DLGAP2: variants seen among roughly 807,000 people sequenced by gnomAD.
The protein encoded by DLGAP2 is DLG associated protein 2.
A neutral mutation model predicts 100.3 loss-of-function variants in DLGAP2; 26 were observed. The observed-to-expected ratio is 0.26, with a 90% confidence interval of 0.19 to 0.36. The LOEUF (loss-of-function observed/expected upper bound fraction) is 0.36, where lower values mean the gene tolerates loss of function less well. Among genes scored for constraint, DLGAP2 ranks in the 10% least tolerant of loss-of-function variants. The pLI is 1.00. For synonymous variants in DLGAP2, 886 were observed against 630.1 expected, an observed-to-expected ratio of 1.41 and a Z score of -6.08; for missense variants, 1,858 against 1,453.2, an observed-to-expected ratio of 1.28 and a Z score of -4.53.
intron 3 of DLGAP2, among the ~76,000 whole-genome samples, chr8:1,363,059 C>T (rs1014286976): frequency 6.6e-6 from 1 of 152,150 alleles, no homozygotes; most frequent in African/African-American, 2.4e-5. Flanking sequence ...AAAGAGAAGC[C>T]AAAAATCTGG....
chr8:1,416,186 C>T lies in DLGAP2; in HGVS notation c.107-85180C>T, dbSNP rs1005835862. The stretch of plus-strand genomic sequence containing the variant: ...ACGTGAAACCCATCCTGTCCCCAGA[C>T]GATGCCTGGTTACCAGCGTCAATAC... On this transcript the variant is annotated intron_variant, in intron 3 of 14. Coordinates refer to ENST00000637795, the MANE Select transcript of DLGAP2 (RefSeq NM_001346810.2). Among the ~76,000 whole-genome samples, 3 of 152,192 alleles carry T rather than the reference C, an allele frequency of 2.0e-5. No individual in the cohort carries two copies. The East Asian group carries it at 5.8e-4, about 29-fold the overall frequency.
At chr8:1,146,373 T>C (rs1173557043) in intron 2 of DLGAP2, among the ~76,000 whole-genome samples, 2 of 152,130 alleles carry the variant, frequency 1.3e-5, no homozygotes, top group African/African-American at 2.4e-5. Flanking sequence ...CAAACACAGG[T>C]TTTTCTAACG....
chr8:1,437,954 C>T (rs912014476), intron 3 of DLGAP2, among the ~76,000 whole-genome samples: 1 of 151,984 alleles, frequency 6.6e-6, no homozygotes, highest in East Asian at 1.9e-4. Flanking sequence ...CCACTGCACT[C>T]CAGCCTGGGC....
At chr8:738,332 G>A (rs1372326503) in intron 1 of DLGAP2, among the ~76,000 whole-genome samples, 1 of 150,072 alleles carries the variant, frequency 6.7e-6, no homozygotes, top group South Asian at 2.1e-4. Flanking sequence ...CTGCGCGCAC[G>A]GGGGCTCGCG....
chr8:763,698 G>A (rs1166020418), intron 1 of DLGAP2, among the ~76,000 whole-genome samples: 1 of 152,082 alleles, frequency 6.6e-6, no homozygotes, highest in Non-Finnish European at 1.5e-5. Flanking sequence ...CCGGGGACTC[G>A]GTGTGTCCTT....
intron 2 of DLGAP2, among the ~76,000 whole-genome samples, chr8:920,229 C>T (rs1420197434): frequency 1.3e-5 from 2 of 152,226 alleles, no homozygotes; most frequent in Non-Finnish European, 2.9e-5. Context: ...GGGCTCTGCC[C>T]ACAGAGGCAC....
chr8:1,307,440 C>T (rs1800516046), intron 3 of DLGAP2, among the ~76,000 whole-genome samples: 1 of 152,232 alleles, frequency 6.6e-6, no homozygotes, highest in East Asian at 1.9e-4. Flanking sequence ...AAAGATGTTC[C>T]CATCATGGAA....
intron 3 of DLGAP2, among the ~76,000 whole-genome samples, chr8:1,284,138 A>T (rs2116955031): frequency 2.0e-5 from 3 of 152,324 alleles, no homozygotes; most frequent in Admixed American, 2.0e-4. Context: ...GAGCATTGTG[A>T]CTGCGCGGCT....
At position 1,436,915 on chromosome 8, in the gene DLGAP2, T is replaced by C. The variant is rs188608945; in HGVS notation, c.107-64451T>C. On this transcript the variant is annotated intron_variant, in intron 3 of 14. Transcript: ENST00000637795. ...AGATACACAACTTCTTACCCCTGTG[T>C]TACAGTTTTCTACAGTCTTCAGTGC... Among the ~76,000 whole-genome samples, 15 of 152,388 alleles carry C rather than the reference T, an allele frequency of 9.8e-5. No individual in the cohort carries two copies. In the South Asian group the frequency reaches 1.7e-3, roughly 17 times the overall value.
intron 2 of DLGAP2, among the ~76,000 whole-genome samples, chr8:1,205,131 C>G (rs2123062): frequency 0.57 from 86,071 of 152,094 alleles, 26,727 homozygotes; most frequent in African/African-American, 0.83. Flanking sequence ...TTCTGCATCT[C>G]ACGTCCCTTG....
chr8:1,192,612 C>T (rs1797663663), intron 2 of DLGAP2, among the ~76,000 whole-genome samples: 1 of 147,492 alleles, frequency 6.8e-6, no homozygotes, highest in South Asian at 2.3e-4. Flanking sequence ...GTCTTGGATG[C>T]ATCATGTCAG....
intron 2 of DLGAP2, among the ~76,000 whole-genome samples, chr8:1,172,365 G>A (rs1283829651): frequency 1.3e-5 from 2 of 151,468 alleles, no homozygotes; most frequent in African/African-American, 4.8e-5. Context: ...ATGTGTCTTG[G>A]AGTTGCTCTT....
intron 3 of DLGAP2, among the ~76,000 whole-genome samples, chr8:1,288,819 G>C (rs569941834): frequency 2.6e-5 from 4 of 151,656 alleles, no homozygotes; most frequent in African/African-American, 7.3e-5. Context: ...TTTCGGTTCA[G>C]TGTGTGTGTG....
intron 2 of DLGAP2, among the ~76,000 whole-genome samples, chr8:1,178,246 A>C (rs1797304229): frequency 6.6e-6 from 1 of 152,232 alleles, no homozygotes; most frequent in Non-Finnish European, 1.5e-5. Context: ...TGGAGTTACC[A>C]CGTGATAGCA....
intron 6 of DLGAP2, among the ~76,000 whole-genome samples, chr8:1,606,147 T>A (rs1728402206): frequency 6.6e-6 from 1 of 152,176 alleles, no homozygotes; most frequent in Non-Finnish European, 1.5e-5. Flanking sequence ...ACCAGTGGGT[T>A]TTTTTTGAAA....
At chr8:1,235,012 A>G (rs959429537) in intron 2 of DLGAP2, among the ~76,000 whole-genome samples, 15 of 9,200 alleles carry the variant, frequency 1.6e-3, no homozygotes, top group Non-Finnish European at 3.4e-3. Context: ...TCTCACACAT[A>G]GCGTTGTGTC....
chr8:958,095 C>G (rs922487881), intron 2 of DLGAP2, among the ~76,000 whole-genome samples: 4 of 152,154 alleles, frequency 2.6e-5, no homozygotes, highest in African/African-American at 9.7e-5. Context: ...GTCTATAAAT[C>G]TGACCATTCT....
chr8:1,537,492 G>A (rs1584903260), intron 4 of DLGAP2, among the ~76,000 whole-genome samples: 1 of 152,222 alleles, frequency 6.6e-6, no homozygotes, highest in South Asian at 2.1e-4. Context: ...TCTCTCAGCT[G>A]CACCCCGTGT....
chr8:1,626,358 A>T (rs865851778), intron 6 of DLGAP2, among the ~76,000 whole-genome samples: 1 of 82,872 alleles, frequency 1.2e-5, no homozygotes, highest in Admixed American at 1.2e-4. Flanking sequence ...TCTACCCTGC[A>T]GCAGGTGCTC....
Sources: allele counts gnomAD v4.1 joint callset (sites outside exome capture counted in the v4.1 genomes callset), GRCh38; gene constraint gnomAD v4.1.1; transcripts MANE v1.5; gene names NCBI Gene and HGNC (gene_info 2026-07-23, HGNC 2026-07-21).